The following CNTNAP5 variants were observed in gnomAD, a reference collection of about 807,000 sequenced individuals.
CNTNAP5 encodes the protein contactin-associated protein-like 5.
CNTNAP5 carries 72 observed loss-of-function variants against 150.2 expected under a neutral mutation model. The ratio of observed to expected loss-of-function variants is 0.48; its 90% CI spans 0.40 to 0.58. CNTNAP5 has a LOEUF of 0.58. Among genes scored for constraint, CNTNAP5 ranks in the 20% least tolerant of loss-of-function variants. The pLI is 0.00. For synonymous variants in CNTNAP5, 672 were observed against 619.8 expected, an observed-to-expected ratio of 1.08 and a Z score of -1.25; for missense variants, 1,636 against 1,626.2, an observed-to-expected ratio of 1.01 and a Z score of -0.10.
At chr2:124,788,487 T>G (rs1681645901) in intron 17 of CNTNAP5, among the ~76,000 whole-genome samples, 1 of 152,184 alleles carries the variant, frequency 6.6e-6, no homozygotes, top group Non-Finnish European at 1.5e-5. Context: ...ACATATATAT[T>G]AAGTAACTGG....
intron 1 of CNTNAP5, among the ~76,000 whole-genome samples, chr2:124,148,673 AT>A (rs1684321620): frequency 6.6e-6 from 1 of 150,420 alleles, no homozygotes; most frequent in East Asian, 1.9e-4. Context: ...AATGCATATT[AT>A]ATGAGATATA....
At chr2:124,062,217 T>G (rs1484080148) in intron 1 of CNTNAP5, among the ~76,000 whole-genome samples, 1 of 152,248 alleles carries the variant, frequency 6.6e-6, no homozygotes, top group Non-Finnish European at 1.5e-5. Context: ...TGCAAAACTC[T>G]TCATGATTTG....
Position 124,554,413 on chromosome 2 carries a change from T to A in CNTNAP5, c.1650-8804T>A, listed in dbSNP as rs557754228. Among the ~76,000 whole-genome samples the A allele has an allele frequency of 5.2e-5, 7 of 134,172 alleles. No homozygotes were observed. The South Asian group carries it at 8.0e-4, about 15-fold the overall frequency. 88.0% of individuals were successfully genotyped at this position (134,172 alleles called of 152,430 possible). On this transcript the variant is annotated intron_variant, in intron 10 of 23. Transcript: ENST00000682447. The stretch of plus-strand genomic sequence containing the variant: ...TTAAGGATCTAAATCAGTTGTCTCA[T>A]ACTTTTTTCTTTTTTTTTTTTTTTT...
chr2:124,193,816 T>C (rs1685513488), intron 1 of CNTNAP5, among the ~76,000 whole-genome samples: 1 of 152,126 alleles, frequency 6.6e-6, no homozygotes. Context: ...CTTTAGCAGA[T>C]GGTAGATATG....
At chr2:124,349,293 A>AT (rs1689814559) in intron 3 of CNTNAP5, among the ~76,000 whole-genome samples, 1 of 152,244 alleles carries the variant, frequency 6.6e-6, no homozygotes, top group Non-Finnish European at 1.5e-5. Flanking sequence ...ACTATAGACA[A>AT]TTGCAACATA....
chr2:124,243,710 G>C lies in CNTNAP5; in HGVS notation c.381+1317G>C, dbSNP rs1686944397. 2.0e-5 allele frequency among the ~76,000 whole-genome samples: 3 copies of C among 152,078 alleles called. No individual in the cohort carries two copies. In the South Asian group the frequency reaches 6.2e-4, roughly 32 times the overall value. Reference sequence around the variant, plus strand: ...GTCCAAAATCTACCTATTGGGTACTGTGTTCAAAACCTGGGTGATGAAATC... The same window carrying C: ...GTCCAAAATCTACCTATTGGGTACTCTGTTCAAAACCTGGGTGATGAAATC... On this transcript the variant is annotated intron_variant, in intron 3 of 23. Transcript: ENST00000682447.
chr2:124,126,933 A>T (rs552659637), intron 1 of CNTNAP5, among the ~76,000 whole-genome samples: 1 of 152,328 alleles, frequency 6.6e-6, no homozygotes, highest in African/African-American at 2.4e-5. Flanking sequence ...GCTATTTATG[A>T]CAAACCCACA....
intron 1 of CNTNAP5, among the ~76,000 whole-genome samples, chr2:124,177,665 CTG>C (rs958101672): frequency 2.0e-5 from 3 of 152,124 alleles, no homozygotes; most frequent in African/African-American, 7.2e-5. Flanking sequence ...AATGCTCATT[CTG>C]TGTGTGCGCA....
At chr2:124,096,200 T>C (rs1402529631) in intron 1 of CNTNAP5, among the ~76,000 whole-genome samples, 1 of 152,204 alleles carries the variant, frequency 6.6e-6, no homozygotes, top group East Asian at 1.9e-4. Flanking sequence ...TAAATCAACA[T>C]TCACTATTTG....
At chr2:124,751,342 G>T (rs1186513700) in intron 14 of CNTNAP5, among the ~76,000 whole-genome samples, 1 of 152,174 alleles carries the variant, frequency 6.6e-6, no homozygotes, top group East Asian at 1.9e-4. Flanking sequence ...GAAATGTACA[G>T]AAGATAAAGG....
At chr2:124,795,834 T>C (rs577675639) in intron 18 of CNTNAP5, among the ~76,000 whole-genome samples, 4 of 152,044 alleles carry the variant, frequency 2.6e-5, no homozygotes. Flanking sequence ...TTGTTTTTTT[T>C]AAAATATGTG....
intron 5 of CNTNAP5, among the ~76,000 whole-genome samples, chr2:124,439,493 G>T (rs569702854): frequency 5.3e-5 from 8 of 152,266 alleles, no homozygotes; most frequent in South Asian, 2.1e-4. Context: ...AGATAGCAAA[G>T]TCACAGAAGA....
At position 124,347,319 on chromosome 2, in the gene CNTNAP5, C is replaced by T. The variant is rs147260858; in HGVS notation, c.382-70124C>T. On this transcript the variant is annotated intron_variant, in intron 3 of 23. Transcript: ENST00000682447. ...TAGTGTTTACTATTTATCTTCTTTCCTACCTCTTCTTCACTGCAGAGCGTG... is the reference window on the plus strand; with the variant it reads ...TAGTGTTTACTATTTATCTTCTTTCTTACCTCTTCTTCACTGCAGAGCGTG... Among the ~76,000 whole-genome samples, 786 of 152,236 alleles carry T rather than the reference C, an allele frequency of 5.2e-3. 12 individuals carry two copies. Among genetic ancestry groups the T allele is most frequent in the African/African-American group, 0.018 (757 of 41,550 alleles).
chr2:124,670,175 T>TCCTTCCTTCCTC (rs1441589633), intron 13 of CNTNAP5, among the ~76,000 whole-genome samples: 7,537 of 135,900 alleles, frequency 0.055, 296 homozygotes, highest in Middle Eastern at 0.071. Context: ...CTTCCTTCCT[T>TCCTTCCTTCCTC]CCTCCCTCTC....
At chr2:124,162,243 G>T (rs1684699361) in intron 1 of CNTNAP5, among the ~76,000 whole-genome samples, 1 of 152,130 alleles carries the variant, frequency 6.6e-6, no homozygotes, top group Non-Finnish European at 1.5e-5. Flanking sequence ...AGTAATTATT[G>T]AATGAAGTAT....
At chr2:124,743,625 C>T (rs1356060524) in intron 13 of CNTNAP5, among the ~76,000 whole-genome samples, 3 of 152,122 alleles carry the variant, frequency 2.0e-5, no homozygotes, top group Non-Finnish European at 4.4e-5. Context: ...GTTCAGCATT[C>T]GGGGGCAGCC....
chr2:124,229,696 A>G (rs949443308), intron 2 of CNTNAP5, among the ~76,000 whole-genome samples: 3 of 152,200 alleles, frequency 2.0e-5, no homozygotes, highest in African/African-American at 7.2e-5. Flanking sequence ...CATTAGAGTC[A>G]GCTGGGCTTC....
intron 1 of CNTNAP5, among the ~76,000 whole-genome samples, chr2:124,086,407 G>T (rs1019386650): frequency 4.0e-5 from 6 of 151,402 alleles, no homozygotes; most frequent in Admixed American, 2.6e-4. Context: ...GTTTCATCGT[G>T]TTAGCCAGGA....
In CNTNAP5 at chr2:124,322,651, C is replaced by T. The variant is rs1221975230; in HGVS notation, c.381+80258C>T. 2.6e-5 allele frequency among the ~76,000 whole-genome samples: 4 copies of T among 152,140 alleles called. No individual in the cohort carries two copies. The South Asian group carries it at 6.2e-4, about 24-fold the overall frequency. ...TTAGTAGAGCTGTTCTGTCCTTGTT[C>T]GTATAGTCTCAGCTGAAAATTGACT... is the stretch of plus-strand genomic sequence containing the variant. On this transcript the variant is annotated intron_variant, in intron 3 of 23. Coordinates refer to ENST00000682447, the MANE Select transcript of CNTNAP5 (RefSeq NM_001367498.1).
Sources: gnomAD v4.1 joint callset for allele counts (sites outside exome capture counted in the v4.1 genomes callset) on GRCh38, gnomAD v4.1.1 for gene constraint, MANE v1.5 for transcripts, NCBI Gene and HGNC (gene_info 2026-07-23, HGNC 2026-07-21) for gene names.